Variants in XIRP2 observed in about 807,000 individuals in gnomAD.
XIRP2 encodes xin actin binding repeat containing 2, also known as xin actin-binding repeat-containing protein 2.
XIRP2 carries 236 observed loss-of-function variants against 277.0 expected under a neutral mutation model. The observed-to-expected ratio is 0.85, with a 90% CI of 0.77 to 0.95. The LOEUF is 0.95. Ranked by LOEUF, XIRP2 falls within the 40% of genes least tolerant of loss-of-function variation. The pLI is 0.00. For missense variants in XIRP2, 4,640 were observed against 4,157.5 expected (o/e 1.12, Z -3.19); for synonymous variants, 1,490 against 1,416.5 (o/e 1.05, Z -1.17).
chr2:166,918,697 G>A (rs1341124100), intron 2 of XIRP2, among the ~76,000 whole-genome samples: 1 of 152,076 alleles, frequency 6.6e-6, no homozygotes, highest in East Asian at 1.9e-4. Context: ...GGACATCAAT[G>A]GGAAAGGTGG....
chr2:167,000,983 G>T (rs1420089740), intron 2 of XIRP2, among the ~76,000 whole-genome samples: 2 of 152,050 alleles, frequency 1.3e-5, no homozygotes, highest in East Asian at 3.9e-4. Context: ...GGAGTTCGAG[G>T]TTATAGTGTA....
At chr2:167,007,679 A>T in intron 2 of XIRP2, among the ~76,000 whole-genome samples, 1 of 142,388 alleles carries the variant, frequency 7.0e-6, no homozygotes, top group South Asian at 2.3e-4. Context: ...CCACATGTAC[A>T]CTCTCTCTCT....
chr2:167,135,829 T>C, intron 2 of XIRP2, 80 bp from the exon 3 acceptor site: 2 of 1,305,222 alleles, frequency 1.5e-6, no homozygotes, highest in Non-Finnish European at 2.0e-6. Context: ...CTTTCATTTC[T>C]GCCTTCTAAC....
intron 5 of XIRP2, among the ~76,000 whole-genome samples, chr2:167,225,292 G>C (rs576873591): frequency 6.6e-6 from 1 of 152,210 alleles, no homozygotes; most frequent in South Asian, 2.1e-4. Context: ...GAAAAGAAGA[G>C]AAAAAGAGGA....
chr2:167,128,186 T>C (rs1691264733), intron 2 of XIRP2, among the ~76,000 whole-genome samples: 1 of 152,218 alleles, frequency 6.6e-6, no homozygotes, highest in African/African-American at 2.4e-5. Flanking sequence ...TAAATATTTG[T>C]AATGGATTCT....
At chr2:166,972,977 A>G (rs1382901849) in intron 2 of XIRP2, among the ~76,000 whole-genome samples, 1 of 152,210 alleles carries the variant, frequency 6.6e-6, no homozygotes, top group East Asian at 1.9e-4. Context: ...GAACTGTGAA[A>G]GCACATTTCA....
intron 2 of XIRP2, among the ~76,000 whole-genome samples, chr2:167,031,332 C>T (rs1215565278): frequency 3.3e-5 from 5 of 151,902 alleles, no homozygotes; most frequent in Non-Finnish European, 5.9e-5. Context: ...GGTGGGATAC[C>T]GGTTTTTCCT....
intron 1 of XIRP2, among the ~76,000 whole-genome samples, chr2:166,893,354 A>G (rs1282225299): frequency 1.3e-5 from 2 of 152,134 alleles, no homozygotes; most frequent in East Asian, 3.9e-4. Context: ...CCAATACACC[A>G]AAAAAATTAT....
chr2:167,153,876 C>T (rs1692099989), intron 3 of XIRP2, among the ~76,000 whole-genome samples: 1 of 151,102 alleles, frequency 6.6e-6, no homozygotes, highest in South Asian at 2.1e-4. Flanking sequence ...CATACATGTG[C>T]ATGTGTCTTT....
intron 2 of XIRP2, among the ~76,000 whole-genome samples, chr2:166,953,945 A>C (rs1686099152): frequency 1.3e-5 from 2 of 151,942 alleles, no homozygotes; most frequent in African/African-American, 4.8e-5. Context: ...ATTATGAATT[A>C]TTTTTCTAAG....
intron 5 of XIRP2, among the ~76,000 whole-genome samples, chr2:167,221,871 AAAAG>A (rs1212930201): frequency 6.6e-6 from 1 of 152,230 alleles, no homozygotes; most frequent in Admixed American, 6.5e-5. Context: ...AATTAGAGTT[AAAAG>A]AAAGAACATT....
chr2:167,059,102 T>C (rs1689112499), intron 2 of XIRP2, among the ~76,000 whole-genome samples: 1 of 58,774 alleles, frequency 1.7e-5, no homozygotes, highest in African/African-American at 1.8e-4. Flanking sequence ...TTTTTTTCTC[T>C]TTTTTTTTTT....
At chr2:166,914,098 GTCTT>G in intron 2 of XIRP2, among the ~76,000 whole-genome samples, 1 of 152,168 alleles carries the variant, frequency 6.6e-6, no homozygotes. Context: ...TGAAAACTGA[GTCTT>G]TATCAGAGGA....
At chr2:167,152,989 C>A (rs548453831) in intron 3 of XIRP2, among the ~76,000 whole-genome samples, 14 of 152,106 alleles carry the variant, frequency 9.2e-5, no homozygotes, top group Non-Finnish European at 1.6e-4. Context: ...GCAACCTCTG[C>A]GTGTATCTAC....
At chr2:167,253,842 G>GTA (rs201756261) in intron 9 of XIRP2, among the ~76,000 whole-genome samples, 190 bp from the exon 10 acceptor site, 4,634 of 151,800 alleles carry the variant, frequency 0.031, 99 homozygotes, top group East Asian at 0.1. Context: ...GAGTAATGTA[G>GTA]ACCATCCTAG....
intron 1 of XIRP2, among the ~76,000 whole-genome samples, chr2:166,894,965 G>A (rs561781829): frequency 2.4e-4 from 37 of 152,118 alleles, no homozygotes; most frequent in Non-Finnish European, 5.4e-4. Context: ...GATAAATAAC[G>A]GATACCAGCA....
intron 2 of XIRP2, among the ~76,000 whole-genome samples, chr2:166,951,037 A>C (rs1388469620): frequency 6.6e-6 from 1 of 152,086 alleles, no homozygotes; most frequent in African/African-American, 2.4e-5. Context: ...TTTGGTCCCA[A>C]CAGTCTCCAA....
Position 167,242,605 on chromosome 2 carries a change from T to C in XIRP2, c.1213T>C (p.Ser405Pro). 6.2e-7 allele frequency: 1 copy of C among 1,613,810 alleles called. No individual in the cohort carries two copies. Among genetic ancestry groups the C allele is most frequent in the African/African-American group, 1.3e-5 (1 of 75,038 alleles). Reference protein sequence around the residue: ...SEYEETFKPSSVVSTSSTSCV... With the variant: ...SEYEETFKPSPVVSTSSTSCV... Reference sequence around the variant, plus strand: ...ATATGAAGAGACTTTCAAGCCATCATCAGTTGTGAGTACCTCTTCCACTTC... The same window carrying C: ...ATATGAAGAGACTTTCAAGCCATCACCAGTTGTGAGTACCTCTTCCACTTC... Residue 405 changes from serine to proline, a missense_variant, in exon 9 of 11, where the codon TCA (serine) becomes CCA (proline). Transcript: ENST00000409195.
At chr2:166,984,116 C>T (rs1686940893) in intron 2 of XIRP2, among the ~76,000 whole-genome samples, 1 of 152,156 alleles carries the variant, frequency 6.6e-6, no homozygotes, top group Non-Finnish European at 1.5e-5. Context: ...TTACAATTCC[C>T]ATTCATTCAT....
Sources: gnomAD v4.1 joint callset for allele counts (sites outside exome capture counted in the v4.1 genomes callset) on GRCh38, gnomAD v4.1.1 for gene constraint, MANE v1.5 for transcripts, NCBI Gene and HGNC (gene_info 2026-07-23, HGNC 2026-07-21) for gene names.